The following ESR1 variants were observed in gnomAD, a reference collection of about 807,000 sequenced individuals.
ESR1 encodes estrogen receptor 1.
In ESR1, 12 loss-of-function variants were observed where a neutral mutation model predicts 52.7. The observed-to-expected ratio is 0.23, with a 90% confidence interval of 0.15 to 0.37. The LOEUF is 0.37. ESR1 is among the 10% of genes least tolerant of loss of function. ESR1 has a pLI of 1.00. For missense variants in ESR1, 584 were observed against 779.7 expected, an observed-to-expected ratio of 0.75 and a Z score of 2.99; for synonymous variants, 305 against 316.8, an observed-to-expected ratio of 0.96 and a Z score of 0.39.
chr6:151,901,221 G>A (rs866584337), intron 3 of ESR1, among the ~76,000 whole-genome samples: 8 of 152,156 alleles, frequency 5.3e-5, no homozygotes, highest in African/African-American at 1.2e-4. Context: ...TCAGGAATGT[G>A]GGGGAAAGCC....
At position 151,880,785 on chromosome 6, in the gene ESR1, T is replaced by A; in HGVS notation, c.760+14T>A. On this transcript the variant is annotated intron_variant, in intron 3 of 7. Transcript: ENST00000206249. ...TGATGAAAGGTGGTAGGTACATCTC[T>A]CCCAGGGGCCCTTGGGGATGGCCCT... 1 of 1,402,788 alleles carries A rather than the reference T, an allele frequency of 7.1e-7. No individual in the cohort carries two copies. The highest frequency in any genetic ancestry group is 1.0e-6 in the Non-Finnish European group (1 of 987,484). 86.9% of individuals were successfully genotyped at this position (1,402,788 alleles called of 1,614,324 possible). A position where few individuals can be genotyped will look rare whatever the true frequency, so the allele number is the denominator to read the frequency against.
intron 1 of ESR1, among the ~76,000 whole-genome samples, chr6:151,840,469 C>T (rs913162881): frequency 3.9e-4 from 60 of 152,090 alleles, no homozygotes; most frequent in African/African-American, 1.4e-3. Flanking sequence ...TTAGAATGGA[C>T]GAAATTGGCA....
chr6:151,830,289 CT>C (rs1782187687), intron 1 of ESR1, among the ~76,000 whole-genome samples: 1 of 152,164 alleles, frequency 6.6e-6, no homozygotes, highest in Non-Finnish European at 1.5e-5. Context: ...CTTCCCCCTT[CT>C]CTTCTCCTCC....
intron 2 of ESR1, among the ~76,000 whole-genome samples, chr6:151,874,628 AG>A (rs1791509502): frequency 6.6e-6 from 1 of 152,254 alleles, no homozygotes; most frequent in African/African-American, 2.4e-5. Flanking sequence ...CCAGGAGACG[AG>A]TACTCTGAAC....
intron 2 of ESR1, among the ~76,000 whole-genome samples, chr6:151,721,731 C>T (rs1323907448): frequency 1.3e-5 from 2 of 152,210 alleles, no homozygotes; most frequent in Non-Finnish European, 2.9e-5. Flanking sequence ...AGATCCCCAC[C>T]TCTCCTTTCC....
intron 6 of ESR1, among the ~76,000 whole-genome samples, chr6:152,082,245 A>G (rs1022003476): frequency 1.3e-5 from 2 of 152,224 alleles, no homozygotes; most frequent in Admixed American, 1.3e-4. Context: ...CCAGCAGCAC[A>G]TCAAAAAGCC....
chr6:152,003,112 A>G (rs1222063979), intron 4 of ESR1, among the ~76,000 whole-genome samples: 2 of 151,956 alleles, frequency 1.3e-5, no homozygotes, highest in African/African-American at 4.8e-5. Flanking sequence ...TCTGAGTGTA[A>G]TACAGATGGG....
At chr6:152,123,922 T>C (rs1056580512) in intron 6 of ESR1, among the ~76,000 whole-genome samples, 7 of 152,116 alleles carry the variant, frequency 4.6e-5, no homozygotes, top group Admixed American at 2.0e-4. Flanking sequence ...CTAATATCGG[T>C]GGGGGATGCG....
chr6:151,987,239 A>G (rs2040574824), intron 4 of ESR1, among the ~76,000 whole-genome samples: 1 of 152,006 alleles, frequency 6.6e-6, no homozygotes, highest in Admixed American at 6.5e-5. Context: ...TCTTTCAGGA[A>G]TTCACCAAAG....
intron 2 of ESR1, among the ~76,000 whole-genome samples, chr6:151,743,110 G>C (rs1002919428): frequency 4.6e-5 from 7 of 152,314 alleles, no homozygotes; most frequent in African/African-American, 1.7e-4. Context: ...GGGGCTTCCG[G>C]TGAATTCCCA....
chr6:152,120,708 C>T (rs73625127), intron 6 of ESR1, among the ~76,000 whole-genome samples: 6,079 of 152,126 alleles, frequency 0.04, 133 homozygotes, highest in Middle Eastern at 0.071. Context: ...TTTAAAATGC[C>T]GGCTCCCAGG....
chr6:151,777,018 G>C (rs908897481), intron 2 of ESR1, among the ~76,000 whole-genome samples: 2 of 152,016 alleles, frequency 1.3e-5, no homozygotes, highest in Non-Finnish European at 2.9e-5. Flanking sequence ...GATGTGAATG[G>C]CATCTGAGAA....
At chr6:151,857,402 G>A (rs1788039488) in intron 2 of ESR1, among the ~76,000 whole-genome samples, 1 of 151,804 alleles carries the variant, frequency 6.6e-6, no homozygotes, top group East Asian at 1.9e-4. Context: ...TGTCTGAGGA[G>A]TCTTCGAACA....
intron 2 of ESR1, among the ~76,000 whole-genome samples, chr6:151,771,189 G>A (rs1785481167): frequency 6.6e-6 from 1 of 152,138 alleles, no homozygotes; most frequent in Non-Finnish European, 1.5e-5. Context: ...GTTTCTCTTT[G>A]TCCCGTTCTC....
chr6:151,686,146 A>T (rs374080056), upstream of ESR1, among the ~76,000 whole-genome samples: 8 of 147,702 alleles, frequency 5.4e-5, no homozygotes, highest in East Asian at 1.6e-3. Flanking sequence ...CTAGGCTCAA[A>T]TTTCTTGATT....
chr6:151,764,326 G>C lies in ESR1; in HGVS notation c.-70-43517G>C, dbSNP rs1562387128. On this transcript the variant is annotated intron_variant, in intron 2 of 2. Coordinates refer to the ESR1 transcript ENST00000404742. ...AGAATGTGTTAAACATATGGAGTAT[G>C]GAAGAAGAAGGAGAGGGGAGATAGG... Among the ~76,000 whole-genome samples, 11 of 152,278 alleles carry C rather than the reference G, an allele frequency of 7.2e-5. 1 individual carries two copies. In the South Asian group the frequency reaches 2.1e-3, roughly 29 times the overall value.
intron 1 of ESR1, among the ~76,000 whole-genome samples, chr6:151,659,044 G>A (rs547094971): frequency 6.6e-6 from 1 of 152,118 alleles, no homozygotes; most frequent in Non-Finnish European, 1.5e-5. Flanking sequence ...ATGGAGTTTC[G>A]ATCTTGTTGC....
chr6:151,774,832 TA>T (rs1785818465), intron 2 of ESR1, among the ~76,000 whole-genome samples: 1 of 152,220 alleles, frequency 6.6e-6, no homozygotes, highest in Non-Finnish European at 1.5e-5. Context: ...TAACTGTACA[TA>T]ACCATACATT....
chr6:152,074,901 T>G (rs7766585), intron 6 of ESR1, among the ~76,000 whole-genome samples: 29,953 of 152,122 alleles, frequency 0.2, 3,947 homozygotes, highest in East Asian at 0.36. Context: ...GTGAGGTGTC[T>G]GTTAAACTCT....
Sources: allele counts gnomAD v4.1 joint callset (sites outside exome capture counted in the v4.1 genomes callset), GRCh38; gene constraint gnomAD v4.1.1; transcripts MANE v1.5; gene names NCBI Gene and HGNC (gene_info 2026-07-23, HGNC 2026-07-21).